TMCC3: variants seen among roughly 807,000 people sequenced by gnomAD.
The protein encoded by TMCC3 is transmembrane and coiled-coil domain protein 3.
In TMCC3, 28 loss-of-function variants were observed where a neutral mutation model predicts 40.2. The observed-to-expected ratio is 0.70, with a 90% CI of 0.52 to 0.95. The LOEUF (loss-of-function observed/expected upper bound fraction) is 0.95. Ranked by LOEUF, TMCC3 falls within the 40% of genes least tolerant of loss-of-function variation. The pLI is 0.00. For missense variants in TMCC3, 554 were observed against 615.2 expected (o/e 0.90, Z 1.05); for synonymous variants, 255 against 248.5 (o/e 1.03, Z -0.25).
intron 1 of TMCC3, among the ~76,000 whole-genome samples, chr12:94,629,721 T>G (rs2068922504): frequency 6.6e-6 from 1 of 152,166 alleles, no homozygotes; most frequent in Non-Finnish European, 1.5e-5. Context: ...CTCCCATCCC[T>G]GGGTCAAAAG....
At chr12:94,641,763 C>T (rs1050118131) in intron 1 of TMCC3, among the ~76,000 whole-genome samples, 47 of 152,088 alleles carry the variant, frequency 3.1e-4, no homozygotes, top group Admixed American at 1.3e-4. Flanking sequence ...CTAAGTCAAA[C>T]GCACAGATGA....
chr12:94,615,021 C>A (rs1382006685), intron 1 of TMCC3, among the ~76,000 whole-genome samples: 1 of 152,130 alleles, frequency 6.6e-6, no homozygotes, highest in African/African-American at 2.4e-5. Flanking sequence ...TCCTCTCCCA[C>A]CCCCAGGTGT....
At chr12:94,642,914 C>T (rs1448109178) in intron 1 of TMCC3, among the ~76,000 whole-genome samples, 2 of 152,150 alleles carry the variant, frequency 1.3e-5, no homozygotes, top group African/African-American at 2.4e-5. Flanking sequence ...TCAACCGGGC[C>T]GGGCGCAGTG....
At chr12:94,576,659 T>G (rs886862064) in intron 3 of TMCC3, among the ~76,000 whole-genome samples, 1 of 152,114 alleles carries the variant, frequency 6.6e-6, no homozygotes, top group Non-Finnish European at 1.5e-5. Context: ...AAAAAGTTGT[T>G]TTTAGAGATA....
intron 1 of TMCC3, among the ~76,000 whole-genome samples, chr12:94,640,179 A>T (rs2068981925): frequency 6.6e-6 from 1 of 152,164 alleles, no homozygotes; most frequent in African/African-American, 2.4e-5. Flanking sequence ...CTTGCTAACT[A>T]GTTTTGTTGA....
At position 94,646,102 on chromosome 12, in the gene TMCC3, C is replaced by A. The variant is rs78689227; in HGVS notation, c.78+4251G>T. ...GGGGACTATCCTAATGCAAATGGTT[C>A]TGTAGGGAAAATAATATGGTCCTTG... On this transcript the variant is annotated intron_variant, in intron 1 of 3. Coordinates refer to ENST00000261226, the MANE Select transcript of TMCC3 (RefSeq NM_020698.4). Among the ~76,000 whole-genome samples, 1,376 of 152,214 alleles carry A rather than the reference C, an allele frequency of 9.0e-3. 17 individuals are homozygous for A. The highest frequency in any genetic ancestry group is 0.031 in the African/African-American group (1,288 of 41,526).
At chr12:94,601,027 A>G (rs2068749227) in intron 1 of TMCC3, among the ~76,000 whole-genome samples, 1 of 152,056 alleles carries the variant, frequency 6.6e-6, no homozygotes, top group Non-Finnish European at 1.5e-5. Flanking sequence ...ATACATACTT[A>G]TGTATGTGCA....
At chr12:94,629,747 C>T (rs2068922618) in intron 1 of TMCC3, among the ~76,000 whole-genome samples, 1 of 152,190 alleles carries the variant, frequency 6.6e-6, no homozygotes, top group African/African-American at 2.4e-5. Context: ...ACCACCAACC[C>T]TTCCCCAGAC....
At position 94,581,846 on chromosome 12, in the gene TMCC3, A is replaced by G; in HGVS notation, c.771T>C (p.Cys257=). ...NKPKYGSDDE[C]SSGTSGSADS... is the part of the protein sequence containing the mutation. The stretch of plus-strand genomic sequence containing the variant: ...CGGCCGAGCCTGACGTGCCACTCGA[A>G]CATTCATCATCACTGCCATACTTGG... Residue 257 remains cysteine (C), a synonymous_variant, in exon 2 of 4, where the codon TGT becomes TGC. Transcript: ENST00000261226. 1.2e-6 allele frequency: 2 copies of G among 1,614,084 alleles called. No individual in the cohort carries two copies. The highest frequency in any genetic ancestry group is 1.7e-6 in the Non-Finnish European group (2 of 1,179,924).
At chr12:94,637,571 G>A (rs1462093558) in intron 1 of TMCC3, among the ~76,000 whole-genome samples, 2 of 152,230 alleles carry the variant, frequency 1.3e-5, no homozygotes, top group South Asian at 2.1e-4. Flanking sequence ...CAGAGTAGGT[G>A]CAGTGTTCAG....
chr12:94,597,971 G>A (rs2068728755), intron 1 of TMCC3, among the ~76,000 whole-genome samples: 1 of 152,180 alleles, frequency 6.6e-6, no homozygotes, highest in South Asian at 2.1e-4. Flanking sequence ...GCAACGACTT[G>A]TTTAAAGGAC....
chr12:94,649,797 G>A (rs1021132060), intron 1 of TMCC3, among the ~76,000 whole-genome samples: 3 of 152,266 alleles, frequency 2.0e-5, no homozygotes, highest in Non-Finnish European at 4.4e-5. Flanking sequence ...GCTCGGCTCG[G>A]CTCGAAACTC....
chr12:94,584,222 T>C (rs1042030189), intron 1 of TMCC3, among the ~76,000 whole-genome samples: 5 of 152,168 alleles, frequency 3.3e-5, no homozygotes, highest in African/African-American at 1.2e-4. Flanking sequence ...CCTCTGCTGC[T>C]GTTCTCATGG....
At chr12:94,589,015 G>A (rs932371498) in intron 1 of TMCC3, among the ~76,000 whole-genome samples, 3 of 152,066 alleles carry the variant, frequency 2.0e-5, no homozygotes, top group African/African-American at 7.2e-5. Context: ...TAGAGATGGA[G>A]TTTCACAATG....
Position 94,582,486 on chromosome 12 carries a change from C to T in TMCC3, c.131G>A (p.Gly44Glu), listed in dbSNP as rs1044830744. 1.9e-6 allele frequency: 3 copies of T among 1,613,784 alleles called. No homozygotes were observed. Among genetic ancestry groups the T allele is most frequent in the Non-Finnish European group, 2.5e-6 (3 of 1,179,980 alleles). ...TLSLPLNIRRGGSDTNLNFDV... is the reference protein window; with the variant it reads ...TLSLPLNIRREGSDTNLNFDV... Reference sequence around the variant, plus strand: ...AAAGTTGAGGTTGGTGTCTGACCCCCCTCGGCGTATGTTCAGGGGCAGGCT... The same window carrying T: ...AAAGTTGAGGTTGGTGTCTGACCCCTCTCGGCGTATGTTCAGGGGCAGGCT... Residue 44 changes from glycine (G) to glutamate (E), a missense_variant, in exon 2 of 4, where the codon GGG becomes GAG. Physicochemically the swap from Gly to Glu is moderately conservative, Grantham distance 98. Transcript: ENST00000261226.
chr12:94,641,822 A>T (rs2068992653), intron 1 of TMCC3, among the ~76,000 whole-genome samples: 1 of 151,864 alleles, frequency 6.6e-6, no homozygotes, highest in African/African-American at 2.4e-5. Context: ...CCAATATCCC[A>T]CCCCAACAAG....
intron 1 of TMCC3, among the ~76,000 whole-genome samples, chr12:94,622,179 T>TGG (rs2068879245): frequency 6.6e-6 from 1 of 152,108 alleles, no homozygotes; most frequent in Non-Finnish European, 1.5e-5. Context: ...AGAGGAGTAC[T>TGG]CCACACCCAT....
Position 94,567,229 on chromosome 12 carries a change from G to A in TMCC3, c.*4206C>T, listed in dbSNP as rs1320174187. ...TGGATTCATTGATGACACCACAATG[G>A]GGTGAAGATCTACAGGGAATTTACA... On this transcript the variant is annotated 3_prime_UTR_variant, in exon 4 of 4. Coordinates refer to ENST00000261226, the MANE Select transcript of TMCC3 (RefSeq NM_020698.4). 1 of 152,148 alleles carries A rather than the reference G, an allele frequency of 6.6e-6. No individual in the cohort carries two copies. The highest frequency in any genetic ancestry group is 1.5e-5 in the Non-Finnish European group (1 of 68,030). The allele number at this position is 152,148 out of a possible 1,614,324, so 9.4% of individuals were successfully genotyped here.
chr12:94,568,283 T>TG lies in TMCC3; in HGVS notation c.*3151dup, dbSNP rs1433323979. 6.6e-6 allele frequency: 1 copy of TG among 150,912 alleles called. No individual in the cohort carries two copies. The highest frequency in any genetic ancestry group is 1.5e-5 in the Non-Finnish European group (1 of 67,812). 9.3% of individuals were successfully genotyped at this position (150,912 alleles called of 1,614,324 possible). Reference sequence around the variant, plus strand: ...ATTTTTTTTTTTTTTTTTTGGCAGTTGGGGGTGGGGTGTTCTGGTTTAATC... The same window carrying TG: ...ATTTTTTTTTTTTTTTTTTGGCAGTTGGGGGGTGGGGTGTTCTGGTTTAATC... On this transcript the variant is annotated 3_prime_UTR_variant, in exon 4 of 4. Transcript: ENST00000261226.
Sources: allele counts gnomAD v4.1 joint callset (sites outside exome capture counted in the v4.1 genomes callset), GRCh38; gene constraint gnomAD v4.1.1; transcripts MANE v1.5; gene names NCBI Gene and HGNC (gene_info 2026-07-23, HGNC 2026-07-21).